Variants in SCN2A observed in about 807,000 individuals in gnomAD.
SCN2A encodes the protein sodium voltage-gated channel alpha subunit 2.
A neutral mutation model predicts 188.7 loss-of-function variants in SCN2A; 20 were observed. The observed-to-expected ratio is 0.11, with a 90% CI of 0.07 to 0.15. The LOEUF (loss-of-function observed/expected upper bound fraction) is 0.15. Ranked by LOEUF, SCN2A falls within the 10% of genes least tolerant of loss-of-function variation. SCN2A has a pLI of 1.00. For missense variants in SCN2A, 1,278 were observed against 2,445.0 expected (o/e 0.52, Z 10.07); for synonymous variants, 804 against 833.1 (o/e 0.97, Z 0.60).
At chr2:165,312,312 A>C (rs938568390) in intron 8 of SCN2A, among the ~76,000 whole-genome samples, 14 of 152,160 alleles carry the variant, frequency 9.2e-5, no homozygotes, top group Non-Finnish European at 1.3e-4. Context: ...CTAATCTTCC[A>C]AATTAGTTCA....
At chr2:165,247,334 T>C (rs370763440) in intron 1 of SCN2A, among the ~76,000 whole-genome samples, 3 of 152,346 alleles carry the variant, frequency 2.0e-5, no homozygotes, top group East Asian at 3.9e-4. Context: ...AAGTGTTTGC[T>C]GTATTCTCTG....
chr2:165,280,075 T>G (rs1394065102), intron 1 of SCN2A, among the ~76,000 whole-genome samples: 1 of 152,176 alleles, frequency 6.6e-6, no homozygotes, highest in Non-Finnish European at 1.5e-5. Flanking sequence ...AACCTCTTTC[T>G]TTTTTAAATT....
At chr2:165,258,295 TA>T (rs1694419499) in intron 1 of SCN2A, among the ~76,000 whole-genome samples, 1 of 152,218 alleles carries the variant, frequency 6.6e-6, no homozygotes, top group African/African-American at 2.4e-5. Flanking sequence ...TTTATAGCTT[TA>T]GGTTTTAAGT....
chr2:165,357,318 G>T (rs1159295163), intron 17 of SCN2A, among the ~76,000 whole-genome samples: 1 of 152,036 alleles, frequency 6.6e-6, no homozygotes, highest in Non-Finnish European at 1.5e-5. Flanking sequence ...TGGGGGACAG[G>T]ATTACATTGT....
intron 1 of SCN2A, among the ~76,000 whole-genome samples, chr2:165,253,289 A>G (rs567264761): frequency 6.6e-6 from 1 of 152,178 alleles, no homozygotes; most frequent in South Asian, 2.1e-4. Flanking sequence ...TTCTTCCATG[A>G]AGTTTATGAA....
chr2:165,375,130 T>G (rs1701242917), intron 22 of SCN2A, among the ~76,000 whole-genome samples, 164 bp downstream of exon 22: 1 of 152,052 alleles, frequency 6.6e-6, no homozygotes, highest in Admixed American at 6.6e-5. Flanking sequence ...TTGTACATTG[T>G]TGGCAGGGAT....
chr2:165,354,176 T>A lies in SCN2A; in HGVS notation c.2920-16T>A. Reference sequence around the variant, plus strand: ...ATAGAATGTTTTGATCACCTGTTTTTCCTGCTGTGTTTCAGGTTCTGAACC... The same window carrying A: ...ATAGAATGTTTTGATCACCTGTTTTACCTGCTGTGTTTCAGGTTCTGAACC... On this transcript the variant is annotated splice_polypyrimidine_tract_variant and intron_variant, in intron 16 of 26. Coordinates refer to ENST00000375437, the MANE Select transcript of SCN2A (RefSeq NM_001040142.2). 1 of 1,613,326 alleles carries A rather than the reference T, an allele frequency of 6.2e-7. No homozygotes were observed. Among genetic ancestry groups the A allele is most frequent in the Non-Finnish European group, 8.5e-7 (1 of 1,179,998 alleles).
chr2:165,314,619 G>T (rs1417596966), intron 10 of SCN2A, among the ~76,000 whole-genome samples: 1 of 152,100 alleles, frequency 6.6e-6, no homozygotes, highest in African/African-American at 2.4e-5. Flanking sequence ...GCAAGTTTGT[G>T]GGTTACATCA....
At chr2:165,281,285 G>A (rs556576458) in intron 1 of SCN2A, among the ~76,000 whole-genome samples, 2 of 152,138 alleles carry the variant, frequency 1.3e-5, no homozygotes, top group African/African-American at 4.8e-5. Context: ...TGTGGTTAGA[G>A]TGTGTGAAAG....
chr2:165,298,982 G>A (rs1031295651), intron 3 of SCN2A, among the ~76,000 whole-genome samples: 44 of 152,132 alleles, frequency 2.9e-4, no homozygotes, highest in Middle Eastern at 6.8e-3. Context: ...CTTTCTTGTC[G>A]TGCATCTGAA....
chr2:165,370,044 T>C, intron 19 of SCN2A, 82 bp from the exon 20 acceptor site: 1 of 1,237,020 alleles, frequency 8.1e-7, no homozygotes, highest in Non-Finnish European at 1.2e-6. Flanking sequence ...TGATAAGAGC[T>C]TGCATCGTTT....
chr2:165,331,807 T>C (rs1465175629), intron 14 of SCN2A, among the ~76,000 whole-genome samples: 1 of 152,138 alleles, frequency 6.6e-6, no homozygotes, highest in African/African-American at 2.4e-5. Context: ...TAGAAGATGA[T>C]TCTGAATTGT....
At chr2:165,306,869 A>G (rs377236101) in intron 3 of SCN2A, among the ~76,000 whole-genome samples, 2 of 152,302 alleles carry the variant, frequency 1.3e-5, no homozygotes, top group South Asian at 4.1e-4. Flanking sequence ...TGGAATTTCT[A>G]TAATTGTGTC....
At chr2:165,304,659 A>C (rs1697019490) in intron 3 of SCN2A, among the ~76,000 whole-genome samples, 1 of 152,222 alleles carries the variant, frequency 6.6e-6, no homozygotes, top group South Asian at 2.1e-4. Flanking sequence ...AACTGGTAAT[A>C]GGTCAATCTG....
chr2:165,275,965 C>T (rs1032750673), intron 1 of SCN2A, among the ~76,000 whole-genome samples: 4 of 152,142 alleles, frequency 2.6e-5, no homozygotes, highest in African/African-American at 9.7e-5. Context: ...GAACTCCTAA[C>T]CTCATAATCT....
rs1057520163 is a variant in SCN2A at position 165,315,685 on chromosome 2, G to A, written c.1598G>A (p.Arg533Lys). 9.9e-6 allele frequency: 16 copies of A among 1,613,724 alleles called. No homozygotes were observed. The highest frequency in any genetic ancestry group is 1.4e-5 in the Non-Finnish European group (16 of 1,179,938). Residue 533 changes from arginine to lysine, a missense_variant, in exon 11 of 27, where the codon AGA becomes AAA. Arg to Lys is a conservative substitution (Grantham distance 26). Transcript: ENST00000375437. ...VRKSESEDSI[R>K]RKGFRFSLEG... ...AAATCGGAATCTGAAGACAGCATAAGAAGAAAAGGTTTCCGTTTTTCCTTG... is the reference window on the plus strand; with the variant it reads ...AAATCGGAATCTGAAGACAGCATAAAAAGAAAAGGTTTCCGTTTTTCCTTG...
intron 16 of SCN2A, among the ~76,000 whole-genome samples, chr2:165,345,855 C>G (rs1221590005): frequency 6.6e-6 from 1 of 152,064 alleles, no homozygotes; most frequent in African/African-American, 2.4e-5. Context: ...ACTGGTTTTT[C>G]CTTGCCATAT....
At chr2:165,304,047 T>A (rs1324708898) in intron 3 of SCN2A, among the ~76,000 whole-genome samples, 1 of 152,174 alleles carries the variant, frequency 6.6e-6, no homozygotes, top group Non-Finnish European at 1.5e-5. Context: ...AATTTCCACC[T>A]TATATTTTTC....
intron 1 of SCN2A, among the ~76,000 whole-genome samples, chr2:165,278,984 C>A (rs1559333010): frequency 6.6e-6 from 1 of 151,454 alleles, no homozygotes; most frequent in Admixed American, 6.6e-5. Context: ...GGCAGGCAGG[C>A]AGGAAGGAAG....
Sources: allele counts gnomAD v4.1 joint callset (sites outside exome capture counted in the v4.1 genomes callset), GRCh38; gene constraint gnomAD v4.1.1; transcripts MANE v1.5; gene names NCBI Gene and HGNC (gene_info 2026-07-23, HGNC 2026-07-21).